The following ANAPC16 variants were observed in gnomAD, a reference collection of about 807,000 sequenced individuals.
ANAPC16 encodes anaphase-promoting complex subunit 16.
ANAPC16 carries 6 observed loss-of-function variants against 13.1 expected under a neutral mutation model. That is an observed-to-expected ratio of 0.46 (90% CI 0.25 to 0.90). The LOEUF is 0.90. Ranked by LOEUF, ANAPC16 falls within the 40% of genes least tolerant of loss-of-function variation. The pLI is 0.18. For synonymous variants in ANAPC16, 55 were observed against 51.3 expected (o/e 1.07, Z -0.31); for missense variants, 113 against 131.1 (o/e 0.86, Z 0.67).
intron 1 of ANAPC16, among the ~76,000 whole-genome samples, chr10:72,222,237 G>A (rs2133666414): frequency 6.7e-6 from 1 of 149,702 alleles, no homozygotes; most frequent in East Asian, 2.1e-4. Context: ...GGCCAACATG[G>A]CGAAACCCTG....
intron 2 of ANAPC16, among the ~76,000 whole-genome samples, chr10:72,229,851 C>T (rs1361329152): frequency 1.3e-5 from 2 of 152,212 alleles, no homozygotes; most frequent in Non-Finnish European, 2.9e-5. Flanking sequence ...AGTTTGCGTT[C>T]ACAGAATGAA....
intron 3 of ANAPC16, among the ~76,000 whole-genome samples, chr10:72,231,293 G>A (rs564971975): frequency 3.9e-5 from 6 of 152,026 alleles, no homozygotes; most frequent in African/African-American, 9.6e-5. Flanking sequence ...ATCCCAGCAC[G>A]TTGGGAGGCT....
chr10:72,216,959 C>T (rs75786221), intron 1 of ANAPC16: 2 of 455,956 alleles, frequency 4.4e-6, no homozygotes, highest in South Asian at 3.1e-5. Flanking sequence ...AGAAAAAAAT[C>T]CATAATGATC....
At chr10:72,226,102 GCCT>G (rs1159751361) in intron 2 of ANAPC16, among the ~76,000 whole-genome samples, 2 of 147,754 alleles carry the variant, frequency 1.4e-5, no homozygotes, top group Non-Finnish European at 3.0e-5. Context: ...TACAACCTCT[GCCT>G]CCCGGGTTCA....
chr10:72,231,664 C>G (rs368208936), intron 3 of ANAPC16, among the ~76,000 whole-genome samples: 4 of 152,160 alleles, frequency 2.6e-5, no homozygotes, highest in African/African-American at 9.6e-5. Flanking sequence ...TCAAGTGATT[C>G]TCCTTCCTCA....
At chr10:72,217,620 A>G (rs1298062377) in intron 1 of ANAPC16, among the ~76,000 whole-genome samples, 2 of 152,126 alleles carry the variant, frequency 1.3e-5, no homozygotes, top group African/African-American at 4.8e-5. Flanking sequence ...CATAGTAAGT[A>G]TGAAAACCTG....
intron 1 of ANAPC16, among the ~76,000 whole-genome samples, chr10:72,221,889 C>A (rs986340073): frequency 2.6e-5 from 4 of 151,168 alleles, no homozygotes; most frequent in Non-Finnish European, 5.9e-5. Context: ...ACCACCATGC[C>A]CAGCTAATTT....
chr10:72,231,367 A>G (rs886723293), intron 3 of ANAPC16, among the ~76,000 whole-genome samples: 1 of 151,998 alleles, frequency 6.6e-6, no homozygotes, highest in Non-Finnish European at 1.5e-5. Flanking sequence ...GTGAAACCCC[A>G]TATCTAAAAA....
In ANAPC16 at chr10:72,224,073, T is replaced by G. The variant is rs1208567648; in HGVS notation, c.142+17T>G. 1 of 1,564,852 alleles carries G rather than the reference T, an allele frequency of 6.4e-7. No homozygotes were observed. The highest frequency in any genetic ancestry group is 1.8e-5 in the Admixed American group (1 of 55,792). Reference sequence around the variant, plus strand: ...TGTTAGAAGGTGATCTCATGCTGCTTTCTGAATAATTGGATTCAGATCTGC... The same window carrying G: ...TGTTAGAAGGTGATCTCATGCTGCTGTCTGAATAATTGGATTCAGATCTGC... On this transcript the variant is annotated intron_variant, in intron 2 of 3. Coordinates refer to ENST00000299381, the MANE Select transcript of ANAPC16 (RefSeq NM_173473.4).
intron 3 of ANAPC16, among the ~76,000 whole-genome samples, chr10:72,232,469 A>G (rs7913505): frequency 0.65 from 96,747 of 149,060 alleles, 32,619 homozygotes; most frequent in African/African-American, 0.8. Context: ...ACTTGAACCC[A>G]CGAGGCAGAG....
At chr10:72,219,294 A>G (rs924748689) in intron 1 of ANAPC16, among the ~76,000 whole-genome samples, 1 of 152,222 alleles carries the variant, frequency 6.6e-6, no homozygotes, top group Non-Finnish European at 1.5e-5. Context: ...AAACAATTCA[A>G]AAACTTGTCA....
chr10:72,220,446 T>G (rs1445675039), intron 1 of ANAPC16: 2 of 148,552 alleles, frequency 1.3e-5, no homozygotes, highest in Non-Finnish European at 3.0e-5. Flanking sequence ...AGCCCAGGAG[T>G]TCATACCAGT....
chr10:72,221,813 A>G (rs1224766500), intron 1 of ANAPC16, among the ~76,000 whole-genome samples: 1 of 143,156 alleles, frequency 7.0e-6, no homozygotes, highest in Non-Finnish European at 1.5e-5. Context: ...TACTGCAACC[A>G]CTGCCTCCCA....
chr10:72,226,254 A>T (rs926023267), intron 2 of ANAPC16, among the ~76,000 whole-genome samples: 1 of 151,880 alleles, frequency 6.6e-6, no homozygotes, highest in African/African-American at 2.4e-5. Flanking sequence ...CCTGACCTCA[A>T]ATGATCTGCC....
chr10:72,216,987 C>T (rs1425600011), intron 1 of ANAPC16: 3 of 455,358 alleles, frequency 6.6e-6, no homozygotes, highest in Non-Finnish European at 1.3e-5. Flanking sequence ...CATGACACAG[C>T]GCTTCTCTAT....
chr10:72,224,083 T>C lies in ANAPC16; in HGVS notation c.142+27T>C, dbSNP rs367571666. 11 of 1,553,292 alleles carry C rather than the reference T, an allele frequency of 7.1e-6. No individual in the cohort carries two copies. The African/African-American group carries it at 9.5e-5, about 13-fold the overall frequency. On this transcript the variant is annotated intron_variant, in intron 2 of 3. Coordinates refer to ENST00000299381, the MANE Select transcript of ANAPC16 (RefSeq NM_173473.4). ...TGATCTCATGCTGCTTTCTGAATAA[T>C]TGGATTCAGATCTGCAATGCATATT...
At chr10:72,232,182 G>T (rs191395921) in intron 3 of ANAPC16, among the ~76,000 whole-genome samples, 8,059 of 109,682 alleles carry the variant, frequency 0.073, 833 homozygotes, top group African/African-American at 0.23. Context: ...GTGAAACTCT[G>T]TCTCAAAAAA....
rs544019705 is a variant in ANAPC16, at chr10:72,233,604, T to A, written c.*488T>A. The A allele has an allele frequency of 6.5e-6, 1 of 153,198 alleles. No individual in the cohort carries two copies. Among genetic ancestry groups the A allele is most frequent in the African/African-American group, 2.4e-5 (1 of 41,586 alleles). 9.5% of individuals were successfully genotyped at this position (153,198 alleles called of 1,614,324 possible). A position where few individuals can be genotyped will look rare whatever the true frequency, so the allele number is the denominator to read the frequency against. On this transcript the variant is annotated 3_prime_UTR_variant, in exon 4 of 4. Transcript: ENST00000299381. ...ATCCAAATGAGGAATTTTTAAATAT[T>A]CTTTTTTTTTTCCTATTTTTAGACA...
At chr10:72,231,356 G>A (rs1410366155) in intron 3 of ANAPC16, among the ~76,000 whole-genome samples, 1 of 151,976 alleles carries the variant, frequency 6.6e-6, no homozygotes, top group African/African-American at 2.4e-5. Flanking sequence ...TGGGCAACAT[G>A]GTGAAACCCC....
Sources: gnomAD v4.1 joint callset for allele counts (sites outside exome capture counted in the v4.1 genomes callset) on GRCh38, gnomAD v4.1.1 for gene constraint, MANE v1.5 for transcripts, NCBI Gene and HGNC (gene_info 2026-07-23, HGNC 2026-07-21) for gene names.